CPXM2: variants seen among roughly 807,000 people sequenced by gnomAD.
The protein encoded by CPXM2 is inactive carboxypeptidase-like protein X2.
Under a neutral mutation model 86.1 loss-of-function variants are expected in CPXM2, and 66 were observed. The ratio of observed to expected loss-of-function variants is 0.77; its 90% CI spans 0.63 to 0.94. CPXM2 has a LOEUF of 0.94. Among genes scored for constraint, CPXM2 ranks in the 40% least tolerant of loss-of-function variants. CPXM2 has a pLI of 0.00. For synonymous variants in CPXM2, 388 were observed against 400.2 expected (o/e 0.97, Z 0.36); for missense variants, 948 against 1,026.3 (o/e 0.92, Z 1.04).
chr10:123,881,885 C>T (rs989821890), intron 1 of CPXM2, among the ~76,000 whole-genome samples: 2 of 152,162 alleles, frequency 1.3e-5, no homozygotes, highest in Admixed American at 6.5e-5. Context: ...TCTCCAGAGT[C>T]TGGGACTTAG....
At chr10:123,918,692 C>T (rs1470866874) in intron 2 of CPXM2, among the ~76,000 whole-genome samples, 1 of 152,146 alleles carries the variant, frequency 6.6e-6, no homozygotes, top group Non-Finnish European at 1.5e-5. Flanking sequence ...AGTCTTCCAG[C>T]CCTGTCCCAA....
intron 2 of CPXM2, among the ~76,000 whole-genome samples, chr10:123,870,401 G>A (rs1040266291): frequency 2.0e-5 from 3 of 152,196 alleles, no homozygotes; most frequent in African/African-American, 4.8e-5. Context: ...GCCTCAAGAC[G>A]TGGTGGGCGC....
chr10:123,934,215 T>C (rs1945693963), intron 2 of CPXM2, among the ~76,000 whole-genome samples: 4 of 152,100 alleles, frequency 2.6e-5, no homozygotes, highest in Admixed American at 2.6e-4. Flanking sequence ...GGGGCTGCCA[T>C]AGCCCAGCAC....
intron 2 of CPXM2, among the ~76,000 whole-genome samples, chr10:123,938,056 C>T (rs960810273): frequency 5.3e-5 from 8 of 152,070 alleles, no homozygotes; most frequent in African/African-American, 1.7e-4. Context: ...CTAGAAAAAG[C>T]CAGTTCTTAC....
intron 4 of CPXM2, among the ~76,000 whole-genome samples, chr10:123,829,589 A>T (rs1481282837): frequency 6.6e-6 from 1 of 152,172 alleles, no homozygotes; most frequent in Non-Finnish European, 1.5e-5. Context: ...AGATATGCCA[A>T]TTCTCCCTCA....
chr10:123,768,490 C>A, intron 9 of CPXM2, 36 bp downstream of exon 9: 1 of 1,565,270 alleles, frequency 6.4e-7, no homozygotes, highest in South Asian at 1.2e-5. Flanking sequence ...CCTCGCTGCC[C>A]ATGTCCTATT....
At chr10:123,856,430 T>G (rs1291773730) in intron 3 of CPXM2, among the ~76,000 whole-genome samples, 1 of 152,156 alleles carries the variant, frequency 6.6e-6, no homozygotes, top group Non-Finnish European at 1.5e-5. Flanking sequence ...CCTTCCTTAG[T>G]TTATGACCCA....
intron 2 of CPXM2, among the ~76,000 whole-genome samples, chr10:123,938,220 A>G (rs1945741379): frequency 6.6e-6 from 1 of 152,166 alleles, no homozygotes; most frequent in African/African-American, 2.4e-5. Context: ...AGGCCTGAGG[A>G]GGGGCCTGAG....
At chr10:123,848,715 A>G (rs950811984) in intron 3 of CPXM2, among the ~76,000 whole-genome samples, 4 of 152,252 alleles carry the variant, frequency 2.6e-5, no homozygotes, top group Non-Finnish European at 5.9e-5. Flanking sequence ...GAGTGACCCA[A>G]TAAAGATTGT....
chr10:123,891,534 G>A lies in CPXM2; in HGVS notation c.126C>T (p.Ser42=), dbSNP rs1315053694. The part of the protein sequence containing the change: ...DPDYYGQEIW[S]REPYYARPEP... ...CCGGGCGCGCGTAGTAGGGCTCCCG[G>A]CTCCAGATCTCCTGCCCGTAATAAT... is the stretch of plus-strand genomic sequence containing the variant. The change falls in exon 1 of 14, where the codon AGC becomes AGT. Residue 42 remains serine (S), a synonymous_variant. Transcript: ENST00000241305. This position sits in a 1 kb window ranked among gnomAD's most constrained non-coding sequence, Gnocchi z 5.6. 7.7e-6 allele frequency: 12 copies of A among 1,548,450 alleles called. No individual in the cohort carries two copies. The Admixed American group carries it at 1.2e-4, about 15-fold the overall frequency.
At chr10:123,937,467 AACAAC>A (rs1317175188) in intron 2 of CPXM2, among the ~76,000 whole-genome samples, 3 of 119,864 alleles carry the variant, frequency 2.5e-5, no homozygotes, top group African/African-American at 1.1e-4. Context: ...AAGACAACAA[AACAAC>A]ACACACACAC....
chr10:123,921,699 C>T (rs1340991829), intron 2 of CPXM2, among the ~76,000 whole-genome samples: 1 of 152,148 alleles, frequency 6.6e-6, no homozygotes, highest in African/African-American at 2.4e-5. Flanking sequence ...ATTCAGTGGA[C>T]CTACAGGGTA....
At chr10:123,790,701 A>AG (rs1847186599) in intron 6 of CPXM2, among the ~76,000 whole-genome samples, 1 of 152,152 alleles carries the variant, frequency 6.6e-6, no homozygotes, top group Non-Finnish European at 1.5e-5. Flanking sequence ...AGGTACAGGC[A>AG]GGTCTCCCCC....
intron 1 of CPXM2, among the ~76,000 whole-genome samples, chr10:123,890,180 T>C (rs1945244647): frequency 6.6e-6 from 1 of 152,240 alleles, no homozygotes; most frequent in South Asian, 2.1e-4. Flanking sequence ...AATCCTGTTA[T>C]TAAGCCACTG....
At position 123,935,539 on chromosome 10, in the gene CPXM2, G is replaced by A. The variant is rs375555092; in HGVS notation, n.174+3938C>T. Among the ~76,000 whole-genome samples, 4 of 152,172 alleles carry A rather than the reference G, an allele frequency of 2.6e-5. No homozygotes were observed. In the East Asian group the frequency reaches 7.7e-4, roughly 29 times the overall value. ...TGGGGACAGACCTCACAGGGAGAGGGCTCAACAGTTCTAACACCTCACCTT... is the reference window on the plus strand; with the variant it reads ...TGGGGACAGACCTCACAGGGAGAGGACTCAACAGTTCTAACACCTCACCTT... On this transcript the variant is annotated intron_variant and non_coding_transcript_variant, in intron 2 of 19. Coordinates refer to the CPXM2 transcript ENST00000368854.
At chr10:123,773,862 A>C (rs1016566009) in intron 7 of CPXM2, among the ~76,000 whole-genome samples, 1 of 152,184 alleles carries the variant, frequency 6.6e-6, no homozygotes, top group East Asian at 1.9e-4. Flanking sequence ...CCAGGGGCCA[A>C]AGGAGGTACC....
In CPXM2 at chr10:123,757,205, C is replaced by G; in HGVS notation, c.1917+8G>C. 6.2e-7 allele frequency: 1 copy of G among 1,613,694 alleles called. No individual in the cohort carries two copies. The highest frequency in any genetic ancestry group is 8.5e-7 in the Non-Finnish European group (1 of 1,179,706). ...CCCCCTCATCCCAGCCACACACCCG[C>G]AATATACCTGCTCCATGAACACGAT... On this transcript the variant is annotated splice_region_variant and intron_variant, in intron 12 of 13. Transcript: ENST00000241305.
chr10:123,826,857 C>T (rs2134122944), intron 4 of CPXM2, among the ~76,000 whole-genome samples: 1 of 152,006 alleles, frequency 6.6e-6, no homozygotes, highest in East Asian at 1.9e-4. Context: ...ACACAGCTCA[C>T]AATAAGGCAT....
At chr10:123,935,784 A>G (rs1945710363) in intron 2 of CPXM2, among the ~76,000 whole-genome samples, 2 of 151,950 alleles carry the variant, frequency 1.3e-5, no homozygotes, top group African/African-American at 4.8e-5. Flanking sequence ...CAGCATCTTT[A>G]CCATCATCAT....
Sources: gnomAD v4.1 joint callset for allele counts (sites outside exome capture counted in the v4.1 genomes callset) on GRCh38, gnomAD v4.1.1 for gene constraint, Gnocchi (gnomAD v3.1) non-coding constraint, MANE v1.5 for transcripts, NCBI Gene and HGNC (gene_info 2026-07-23, HGNC 2026-07-21) for gene names.